The following PRAMEF4 variants were observed in gnomAD, a reference collection of about 807,000 sequenced individuals.
PRAMEF4 encodes the protein RP5-845O24.6.
PRAMEF4 carries 18 observed loss-of-function variants against 34.4 expected under a neutral mutation model. That is an observed-to-expected ratio of 0.52 (90% confidence interval 0.36 to 0.78). PRAMEF4 has a LOEUF of 0.78. Among genes scored for constraint, PRAMEF4 ranks in the 30% least tolerant of loss-of-function variants. The pLI, the probability that PRAMEF4 is intolerant of heterozygous loss-of-function variation, is 0.00. For synonymous variants in PRAMEF4, 156 were observed against 219.3 expected (o/e 0.71, Z 2.55); for missense variants, 482 against 569.1 (o/e 0.85, Z 1.56).
intron 3 of PRAMEF4, 95 bp downstream of exon 3, chr1:12,881,759 C>T (rs1640893251): frequency 1.3e-6 from 2 of 1,556,456 alleles, no homozygotes; most frequent in Non-Finnish European, 1.7e-6. Flanking sequence ...TTCACTGTTT[C>T]ATCCTCATAG....
At chr1:12,881,770 G>C (rs1317290606) in intron 3 of PRAMEF4, 84 bp downstream of exon 3, 2 of 1,579,620 alleles carry the variant, frequency 1.3e-6, no homozygotes, top group Non-Finnish European at 1.7e-6. Context: ...ATCCTCATAG[G>C]CTGGCTCACA....
rs1294947953 is a variant in PRAMEF4, at chr1:12,883,509, G to T, written c.-16-99C>A. ...CCAAACTCACTGCTCTGGCAATGGT[G>T]AAAGAGTCCTCAGTTTACTCCAATT... is the stretch of plus-strand genomic sequence containing the variant. On this transcript the variant is annotated intron_variant, in intron 1 of 3. Transcript: ENST00000235349. The T allele has an allele frequency of 3.4e-6, 5 of 1,472,448 alleles. 1 individual carries two copies. The African/African-American group carries it at 5.7e-5, about 17-fold the overall frequency. 91.2% of individuals were successfully genotyped at this position (1,472,448 alleles called of 1,614,324 possible).
At position 12,879,695 on chromosome 1, in the gene PRAMEF4, C is replaced by G; in HGVS notation, c.1286G>C (p.Cys429Ser). The G allele has an allele frequency of 5.6e-6, 9 of 1,601,980 alleles. 3 individuals carry two copies. Among genetic ancestry groups the G allele is most frequent in the Non-Finnish European group, 7.7e-6 (9 of 1,175,088 alleles). Reference protein sequence around the residue: ...RESYGADGTLCWSRFAQIRAE... With the variant: ...RESYGADGTLSWSRFAQIRAE... ...CCTAATTTGAGCAAATCTGCTCCAG[C>G]AGAGAGTACCATCAGCACCATAACT... Residue 429 changes from cysteine to serine, a missense_variant, in exon 4 of 4, where the codon TGC becomes TCC. Cys to Ser is a moderately radical substitution (Grantham distance 112, BLOSUM62 -1). Around this residue, in one of 6 missense-constraint regions of PRAMEF4, gnomAD observed 116 missense variants for 105.2 expected, o/e 1.10. Transcript: ENST00000235349.
chr1:12,886,023 C>CAT (rs1340900708), intron 1 of PRAMEF4, 124 bp downstream of exon 1: 2 of 43,002 alleles, frequency 4.7e-5, no homozygotes, highest in Non-Finnish European at 3.9e-5. Context: ...TCCAATTGTT[C>CAT]ATATAAAAAA....
In PRAMEF4 at chr1:12,884,948, T is replaced by C. The variant is rs575117565; in HGVS notation, c.-17+1199A>G. ...GAGTGTGAGACAGGGAAGGGTTGAA[T>C]CTCTTCCTGATATTAGACAGAAAGA... On this transcript the variant is annotated intron_variant, in intron 1 of 3. Coordinates refer to ENST00000235349, the MANE Select transcript of PRAMEF4 (RefSeq NM_001009611.4). Among the ~76,000 whole-genome samples the C allele has an allele frequency of 1.3e-4, 19 of 150,384 alleles. 1 individual carries two copies. The highest frequency in any genetic ancestry group is 3.5e-3 in the Middle Eastern group (1 of 288).
rs746857835 is a variant in PRAMEF4, at chr1:12,882,157, C to T, written c.572G>A (p.Gly191Glu). The change falls in exon 3 of 4, where the codon GGA becomes GAA. Residue 191 changes from glycine to glutamate, a missense_variant. Transcript: ENST00000235349. ...GCTTCTGATATTGCGGAAGGGCATTCCCAAAATTTTCAGCTTCTTACAGCA... is the reference window on the plus strand; with the variant it reads ...GCTTCTGATATTGCGGAAGGGCATTTCCAAAATTTTCAGCTTCTTACAGCA... The part of the protein sequence containing the change: ...HLCCKKLKIL[G>E]MPFRNIRSIL... 6 of 1,582,320 alleles carry T rather than the reference C, an allele frequency of 3.8e-6. No homozygotes were observed. The highest frequency in any genetic ancestry group is 4.5e-5 in the East Asian group (2 of 44,544).
At chr1:12,882,827 C>T (rs1448855102) in intron 2 of PRAMEF4, among the ~76,000 whole-genome samples, 1 of 147,684 alleles carries the variant, frequency 6.8e-6, no homozygotes, top group Non-Finnish European at 1.5e-5. Flanking sequence ...TGACCTCAGC[C>T]TCCCAATGTG....
Position 12,882,540 on chromosome 1 carries a change from C to G in PRAMEF4, c.294-105G>C, listed in dbSNP as rs1303348619. On this transcript the variant is annotated intron_variant, in intron 2 of 3. Transcript: ENST00000235349. ...TCCCCTCCCTGCTTCTTGTCCCTCT[C>G]TCTGACTTTTCTTCACTCTGTTTTC... 1.9e-5 allele frequency: 29 copies of G among 1,491,656 alleles called. 3 individuals carry two copies. Among genetic ancestry groups the G allele is most frequent in the South Asian group, 2.4e-5 (2 of 82,074 alleles). The allele number at this position is 1,491,656 out of a possible 1,614,324, so 92.4% of individuals were successfully genotyped here.
In PRAMEF4 at chr1:12,882,303, C is replaced by T. The variant is rs267597985; in HGVS notation, c.426G>A (p.Arg142=). The T allele has an allele frequency of 3.6e-5, 54 of 1,489,016 alleles. 9 individuals carry two copies. The highest frequency in any genetic ancestry group is 3.9e-5 in the Non-Finnish European group (43 of 1,094,752). 92.2% of individuals were successfully genotyped at this position (1,489,016 alleles called of 1,614,324 possible). A position where few individuals can be genotyped will look rare whatever the true frequency, so the allele number is the denominator to read the frequency against. ...RNKKPVEDCP[R]MKGRQPLTVF... is the part of the protein sequence containing the mutation. ...CAGTCAAGGGCTGCCGTCCTTTCAT[C>T]CTTGGACAGTCCTCCACTGGTTTTT... is the stretch of plus-strand genomic sequence containing the variant. Residue 142 remains arginine (R), a synonymous_variant, in exon 3 of 4, where the codon AGG becomes AGA. Transcript: ENST00000235349.
At chr1:12,882,960 C>T (rs1461378004) in intron 2 of PRAMEF4, 142 bp downstream of exon 2, 2 of 1,228,434 alleles carry the variant, frequency 1.6e-6, no homozygotes, top group Non-Finnish European at 2.3e-6. Context: ...CAGTGCTTTC[C>T]CTGAGGAGCT....
chr1:12,879,371 A>T lies in PRAMEF4; in HGVS notation c.*173T>A. ...CCCAAAGTCCCATCGAATCCATGGCAACATTTCCCCCAAGTCCGGCCCCTG... is the reference window on the plus strand; with the variant it reads ...CCCAAAGTCCCATCGAATCCATGGCTACATTTCCCCCAAGTCCGGCCCCTG... On this transcript the variant is annotated 3_prime_UTR_variant, in exon 4 of 4. Transcript: ENST00000235349. The T allele has an allele frequency of 2.7e-6, 2 of 748,092 alleles. No homozygotes were observed. Among genetic ancestry groups the T allele is most frequent in the South Asian group, 3.8e-5 (2 of 52,570 alleles). 46.3% of individuals were successfully genotyped at this position (748,092 alleles called of 1,614,324 possible).
rs200652754 is a variant in PRAMEF4, at chr1:12,879,725, C to CGG, written c.1254_1255dup (p.Arg419ProfsTer23). On this transcript the variant is annotated frameshift_variant, in exon 4 of 4. Coordinates refer to ENST00000235349, the MANE Select transcript of PRAMEF4 (RefSeq NM_001009611.4). LOFTEE classifies it high-confidence loss of function. The stretch of plus-strand genomic sequence containing the variant: ...AGTACCATCAGCACCATAACTCTCC[C>CGG]GGGGGGCAGGATACAGCTCCACGCA... 12 of 1,601,752 alleles carry CGG rather than the reference C, an allele frequency of 7.5e-6. No homozygotes were observed. The highest frequency in any genetic ancestry group is 1.9e-4 in the Middle Eastern group (1 of 5,242).
rs2994081 is a variant in PRAMEF4 at position 12,882,468 on chromosome 1, C to A, written c.294-33G>T. The A allele has an allele frequency of 2.5e-3, 3,923 of 1,565,658 alleles. 144 individuals carry two copies. Among genetic ancestry groups the A allele is most frequent in the South Asian group, 0.014 (1,219 of 87,456 alleles). On this transcript the variant is annotated intron_variant, in intron 2 of 3. Transcript: ENST00000235349. ...AAAATAGAGGTGAGACTGAGAATTT[C>A]AGAACTCATTTCTGAACTTAAACTC...
chr1:12,880,958 T>A (rs1362592732), intron 3 of PRAMEF4, among the ~76,000 whole-genome samples: 1 of 147,280 alleles, frequency 6.8e-6, no homozygotes, highest in East Asian at 2.0e-4. Context: ...ATGGGATCAT[T>A]CATGTTCACC....
intron 1 of PRAMEF4, among the ~76,000 whole-genome samples, chr1:12,883,950 TTTTC>T (rs1557641736): frequency 1.5e-5 from 2 of 137,310 alleles, no homozygotes; most frequent in Non-Finnish European, 3.1e-5. Context: ...TCTCTCCCTT[TTTTC>T]TTTCTTGTCT....
intron 3 of PRAMEF4, among the ~76,000 whole-genome samples, chr1:12,881,038 A>C (rs1420312460): frequency 2.0e-5 from 3 of 148,166 alleles, no homozygotes; most frequent in African/African-American, 7.6e-5. Flanking sequence ...TTCAGTGCCC[A>C]CTTCACTTCC....
In PRAMEF4 at chr1:12,883,367, T is replaced by C; in HGVS notation, c.28A>G (p.Arg10Gly). 6.2e-7 allele frequency: 1 copy of C among 1,600,750 alleles called. No homozygotes were observed. Among genetic ancestry groups the C allele is most frequent in the South Asian group, 1.1e-5 (1 of 90,258 alleles). Reference protein sequence around the residue: MKMSIWTPPRLLELAGRSLL... With the variant: MKMSIWTPPGLLELAGRSLL... ...CTCCGCCCTGCAAGCTCCAGGAGTC[T>C]GGGTGGAGTCCAGATGCTCATCTTC... Residue 10 changes from arginine (R) to glycine (G), a missense_variant, in exon 2 of 4, where the codon AGA becomes GGA. Physicochemically the swap from Arg to Gly is moderately radical, Grantham distance 125 (BLOSUM62 -2). Transcript: ENST00000235349.
At chr1:12,885,636 C>T (rs1163178592) in intron 1 of PRAMEF4, among the ~76,000 whole-genome samples, 23 of 145,296 alleles carry the variant, frequency 1.6e-4, no homozygotes. Context: ...CAAAAGTTAG[C>T]CAGGCATGGT....
At chr1:12,882,550 T>G in intron 2 of PRAMEF4, 115 bp from the exon 3 acceptor site, 1 of 1,384,206 alleles carries the variant, frequency 7.2e-7, no homozygotes, top group Non-Finnish European at 9.8e-7. Context: ...CTCTGACTTT[T>G]CTTCACTCTG....
Sources: gnomAD v4.1 joint callset for allele counts (sites outside exome capture counted in the v4.1 genomes callset) on GRCh38, gnomAD v4.1.1 for gene constraint, gnomAD v4.1.1 regional missense constraint, MANE v1.5 for transcripts, NCBI Gene and HGNC (gene_info 2026-07-23, HGNC 2026-07-21) for gene names.